Variants in ETNK1 observed in about 807,000 individuals in gnomAD.
The protein encoded by ETNK1 is ethanolamine kinase 1.
A neutral mutation model predicts 45.1 loss-of-function variants in ETNK1; 8 were observed. That is an observed-to-expected ratio of 0.18 (90% CI 0.10 to 0.32). The LOEUF (loss-of-function observed/expected upper bound fraction) is 0.32, where lower values mean the gene tolerates loss of function less well. Ranked by LOEUF, ETNK1 falls within the 10% of genes least tolerant of loss-of-function variation. The pLI, the probability that ETNK1 is intolerant of heterozygous loss-of-function variation, is 1.00. For missense variants in ETNK1, 302 were observed against 430.6 expected, an observed-to-expected ratio of 0.70 and a Z score of 2.64; for synonymous variants, 152 against 151.9, an observed-to-expected ratio of 1.00 and a Z score of -0.01.
At chr12:22,678,958 A>T (rs1954187502) in intron 6 of ETNK1, among the ~76,000 whole-genome samples, 1 of 152,232 alleles carries the variant, frequency 6.6e-6, no homozygotes. Flanking sequence ...ATGGGGTCTG[A>T]GAAAGTGTAA....
At chr12:22,636,679 A>G (rs556140544) in intron 1 of ETNK1, among the ~76,000 whole-genome samples, 9 of 152,172 alleles carry the variant, frequency 5.9e-5, no homozygotes. Flanking sequence ...TATTAAGAGA[A>G]AAAAAAGATG....
At chr12:22,677,765 G>A (rs927832190) in intron 6 of ETNK1, among the ~76,000 whole-genome samples, 3 of 152,064 alleles carry the variant, frequency 2.0e-5, no homozygotes, top group Non-Finnish European at 2.9e-5. Flanking sequence ...AATTCTCTTC[G>A]CAGCAATTGT....
At chr12:22,650,335 G>A (rs910826040) in intron 2 of ETNK1, among the ~76,000 whole-genome samples, 5 of 151,586 alleles carry the variant, frequency 3.3e-5, no homozygotes, top group Non-Finnish European at 7.4e-5. Context: ...TTGGTGAAAA[G>A]TGATGTTCTT....
At chr12:22,667,337 C>T (rs1954063841) in intron 4 of ETNK1, among the ~76,000 whole-genome samples, 2 of 152,072 alleles carry the variant, frequency 1.3e-5, no homozygotes, top group African/African-American at 2.4e-5. Context: ...GCATTTTCTG[C>T]AAACTTCATT....
At chr12:22,650,327 G>A (rs986822009) in intron 2 of ETNK1, among the ~76,000 whole-genome samples, 2 of 150,858 alleles carry the variant, frequency 1.3e-5, no homozygotes, top group African/African-American at 4.9e-5. Context: ...AAAAAGGATT[G>A]GTGAAAAGTG....
chr12:22,625,259 C>T lies in ETNK1; in HGVS notation c.-172C>T. ...CAGCTGCTGTCCAGACCCGGATCGG[C>T]AACAGTGCCGCCTCCAGACGTTCTC... On this transcript the variant is annotated 5_prime_UTR_variant, in exon 1 of 8. Transcript: ENST00000266517. 2 of 1,610,984 alleles carry T rather than the reference C, an allele frequency of 1.2e-6. No individual in the cohort carries two copies. The highest frequency in any genetic ancestry group is 1.7e-6 in the Non-Finnish European group (2 of 1,179,316).
chr12:22,636,435 A>G (rs1252670907), intron 1 of ETNK1, among the ~76,000 whole-genome samples: 1 of 152,072 alleles, frequency 6.6e-6, no homozygotes, highest in African/African-American at 2.4e-5. Context: ...TTGAAGCTGT[A>G]TTGTTGGATA....
chr12:22,640,694 G>T (rs11046511), intron 1 of ETNK1, among the ~76,000 whole-genome samples: 2 of 151,982 alleles, frequency 1.3e-5, no homozygotes, highest in East Asian at 3.9e-4. Context: ...CAAGAAGTAG[G>T]TTCTAATGTA....
intron 2 of ETNK1, among the ~76,000 whole-genome samples, chr12:22,658,008 C>T (rs1243326715): frequency 6.6e-6 from 1 of 152,102 alleles, no homozygotes; most frequent in Non-Finnish European, 1.5e-5. Flanking sequence ...ATTAAAATCA[C>T]TTGGGAAGGT....
intron 2 of ETNK1, among the ~76,000 whole-genome samples, chr12:22,653,214 G>A (rs73253825): frequency 0.047 from 7,077 of 152,078 alleles, 540 homozygotes; most frequent in African/African-American, 0.16. Context: ...CCATTTATCT[G>A]TATGTTTTTC....
chr12:22,640,763 C>T (rs1463870763), intron 1 of ETNK1, among the ~76,000 whole-genome samples: 2 of 152,176 alleles, frequency 1.3e-5, no homozygotes, highest in East Asian at 1.9e-4. Flanking sequence ...TAAGGTTACT[C>T]GGTTTGTATG....
rs1487992185 is a variant in ETNK1, at chr12:22,686,141, G to T, written c.*1187G>T. Reference sequence around the variant, plus strand: ...ACAAAATGTGAATTAAGCATAAATAGTCATGGCAGGAGGGCTTTTGTTTAT... The same window carrying T: ...ACAAAATGTGAATTAAGCATAAATATTCATGGCAGGAGGGCTTTTGTTTAT... On this transcript the variant is annotated 3_prime_UTR_variant, in exon 8 of 8. Coordinates refer to ENST00000266517, the MANE Select transcript of ETNK1 (RefSeq NM_018638.5). The T allele has an allele frequency of 6.6e-6, 1 of 152,290 alleles. No individual in the cohort carries two copies. Among genetic ancestry groups the T allele is most frequent in the African/African-American group, 2.4e-5 (1 of 41,400 alleles). 9.4% of individuals were successfully genotyped at this position (152,290 alleles called of 1,614,324 possible).
At position 22,690,236 on chromosome 12, in the gene ETNK1, C is replaced by T. The variant is rs1055256542; in HGVS notation, c.*5282C>T. ...TGTATTGATACCTCTTAAATGAATGCAACTTTTGATGTAGGTGTTTTGCTA... is the reference window on the plus strand; with the variant it reads ...TGTATTGATACCTCTTAAATGAATGTAACTTTTGATGTAGGTGTTTTGCTA... On this transcript the variant is annotated 3_prime_UTR_variant, in exon 8 of 8. Coordinates refer to ENST00000266517, the MANE Select transcript of ETNK1 (RefSeq NM_018638.5). 2.0e-5 allele frequency: 3 copies of T among 152,474 alleles called. No individual in the cohort carries two copies. The highest frequency in any genetic ancestry group is 7.2e-5 in the African/African-American group (3 of 41,434). The allele number at this position is 152,474 out of a possible 1,614,324, so 9.4% of individuals were successfully genotyped here.
chr12:22,634,726 T>G (rs960040956), intron 1 of ETNK1, among the ~76,000 whole-genome samples: 2 of 152,090 alleles, frequency 1.3e-5, no homozygotes, highest in African/African-American at 4.8e-5. Flanking sequence ...ATTTATTTAT[T>G]TATTTATTTG....
intron 6 of ETNK1, among the ~76,000 whole-genome samples, chr12:22,678,059 A>G (rs1043042025): frequency 6.6e-6 from 1 of 152,022 alleles, no homozygotes; most frequent in Non-Finnish European, 1.5e-5. Context: ...TTCTTTTGAC[A>G]TATCTTCTTT....
chr12:22,684,659 A>C, intron 7 of ETNK1, 103 bp downstream of exon 7: 1 of 886,848 alleles, frequency 1.1e-6, no homozygotes, highest in Non-Finnish European at 1.8e-6. Flanking sequence ...TCAATTATAA[A>C]AGTTGTATAC....
At chr12:22,644,540 G>A (rs1953782106) in intron 2 of ETNK1, 2 of 316,656 alleles carry the variant, frequency 6.3e-6, no homozygotes. Context: ...TTCTGCTCTT[G>A]AAAACTCTAG....
At chr12:22,676,911 C>T (rs554185398) in intron 6 of ETNK1, among the ~76,000 whole-genome samples, 5 of 151,902 alleles carry the variant, frequency 3.3e-5, no homozygotes, top group Admixed American at 3.3e-4. Flanking sequence ...GATATTAGCC[C>T]TTTGTCACAT....
At chr12:22,632,554 GGCTAGAGTGCAGTGAT>G (rs1953593481) in intron 1 of ETNK1, among the ~76,000 whole-genome samples, 1 of 151,602 alleles carries the variant, frequency 6.6e-6, no homozygotes, top group Non-Finnish European at 1.5e-5. Context: ...CTGTTATCCA[GGCTAGAGTGCAGTGAT>G]GCTATCATAG....
Sources: allele counts gnomAD v4.1 joint callset (sites outside exome capture counted in the v4.1 genomes callset), GRCh38; gene constraint gnomAD v4.1.1; transcripts MANE v1.5; gene names NCBI Gene and HGNC (gene_info 2026-07-23, HGNC 2026-07-21).